ETV6: variants seen among roughly 807,000 people sequenced by gnomAD.
ETV6 encodes the protein ETS variant transcription factor 6.
Under a neutral mutation model 51.1 loss-of-function variants are expected in ETV6, and 16 were observed. That is an observed-to-expected ratio of 0.31 (90% confidence interval 0.21 to 0.48). ETV6 has a LOEUF of 0.48. ETV6 is among the 20% of genes least tolerant of loss of function. The probability of loss-of-function intolerance (pLI) is 0.99; values close to 1 mark genes in which losing one functional copy is unlikely to be tolerated. For synonymous variants in ETV6, 240 were observed against 224.1 expected (o/e 1.07, Z -0.64); for missense variants, 458 against 594.8 (o/e 0.77, Z 2.39).
At chr12:11,878,970 C>T (rs1947042670) in intron 5 of ETV6, among the ~76,000 whole-genome samples, 1 of 152,024 alleles carries the variant, frequency 6.6e-6, no homozygotes, top group Non-Finnish European at 1.5e-5. Context: ...GATTCAGCAG[C>T]ATCCCTGGCC....
intron 4 of ETV6, among the ~76,000 whole-genome samples, chr12:11,864,609 T>C (rs1946766341): frequency 6.6e-6 from 1 of 152,238 alleles, no homozygotes. Flanking sequence ...ATATTATCTA[T>C]AAAAGGAAAG....
rs900000836 is a variant in ETV6 at position 11,783,847 on chromosome 12, T to G, written c.163+31268T>G. Among the ~76,000 whole-genome samples, 6 of 152,080 alleles carry G rather than the reference T, an allele frequency of 3.9e-5. No individual in the cohort carries two copies. In the East Asian group the frequency reaches 1.2e-3, roughly 29 times the overall value. Reference sequence around the variant, plus strand: ...GCCTTTTTGTTTGTGGTTGGTTGTTTTTTTGTTTGTTTGTTTGTTTGTTTT... The same window carrying G: ...GCCTTTTTGTTTGTGGTTGGTTGTTGTTTTGTTTGTTTGTTTGTTTGTTTT... On this transcript the variant is annotated intron_variant, in intron 2 of 7. Coordinates refer to ENST00000396373, the MANE Select transcript of ETV6 (RefSeq NM_001987.5).
intron 2 of ETV6, among the ~76,000 whole-genome samples, chr12:11,828,220 A>G (rs1321555845): frequency 3.3e-5 from 5 of 152,176 alleles, no homozygotes; most frequent in Non-Finnish European, 7.3e-5. Flanking sequence ...CTCCTTGCAT[A>G]GCCAAGTTGC....
chr12:11,713,777 C>G (rs1000716814), intron 1 of ETV6, among the ~76,000 whole-genome samples: 1 of 152,144 alleles, frequency 6.6e-6, no homozygotes. Flanking sequence ...GGTTCTTAAC[C>G]TTGGATGTTC....
At chr12:11,688,799 A>G (rs1212523842) in intron 1 of ETV6, among the ~76,000 whole-genome samples, 5 of 152,234 alleles carry the variant, frequency 3.3e-5, no homozygotes, top group African/African-American at 1.2e-4. Context: ...GCTGCTTAGA[A>G]GGATCCTTAG....
intron 2 of ETV6, among the ~76,000 whole-genome samples, chr12:11,793,497 C>A (rs1171345620): frequency 1.3e-5 from 2 of 152,188 alleles, no homozygotes; most frequent in African/African-American, 4.8e-5. Flanking sequence ...CCATCTCATT[C>A]AAAACCAATG....
intron 1 of ETV6, among the ~76,000 whole-genome samples, chr12:11,729,057 T>C (rs1263334472): frequency 1.3e-5 from 2 of 152,394 alleles, no homozygotes; most frequent in East Asian, 3.9e-4. Context: ...TTGATGGCTC[T>C]GTGACATACT....
intron 1 of ETV6, among the ~76,000 whole-genome samples, chr12:11,673,273 A>G (rs930452698): frequency 3.3e-5 from 5 of 152,112 alleles, no homozygotes; most frequent in Non-Finnish European, 5.9e-5. Context: ...GCAGGATGTG[A>G]GATGAGTTTA....
At chr12:11,718,645 G>A (rs1865325271) in intron 1 of ETV6, among the ~76,000 whole-genome samples, 1 of 151,302 alleles carries the variant, frequency 6.6e-6, no homozygotes, top group Non-Finnish European at 1.5e-5. Flanking sequence ...ATGGTGGTGT[G>A]TGCCTGTAGT....
At chr12:11,841,107 C>T (rs1031245970) in intron 3 of ETV6, among the ~76,000 whole-genome samples, 3 of 152,074 alleles carry the variant, frequency 2.0e-5, no homozygotes, top group African/African-American at 7.2e-5. Context: ...CCCCTTCATC[C>T]TATCTCAGGT....
intron 1 of ETV6, among the ~76,000 whole-genome samples, chr12:11,718,608 A>AAAC (rs1865324292): frequency 1.3e-5 from 2 of 151,548 alleles, no homozygotes; most frequent in African/African-American, 2.4e-5. Context: ...GCTACTAAAA[A>AAAC]AAAAAAAAAA....
At chr12:11,661,610 C>T (rs758202011) in intron 1 of ETV6, among the ~76,000 whole-genome samples, 18 of 152,244 alleles carry the variant, frequency 1.2e-4, no homozygotes, top group Non-Finnish European at 1.5e-5. Context: ...ATTTGGCTGA[C>T]TACACCTCCA....
chr12:11,823,695 T>C (rs1366323577), intron 2 of ETV6, among the ~76,000 whole-genome samples: 2 of 152,180 alleles, frequency 1.3e-5, no homozygotes, highest in African/African-American at 4.8e-5. Flanking sequence ...CTCAGACCCC[T>C]GACCTTGTGA....
At chr12:11,864,422 A>C (rs557730457) in intron 4 of ETV6, among the ~76,000 whole-genome samples, 35 of 152,356 alleles carry the variant, frequency 2.3e-4, no homozygotes, top group African/African-American at 7.0e-4. Context: ...TTTAAGCCTT[A>C]ATAAGCTTTT....
At chr12:11,729,140 A>G (rs954162860) in intron 1 of ETV6, among the ~76,000 whole-genome samples, 1 of 152,232 alleles carries the variant, frequency 6.6e-6, no homozygotes, top group African/African-American at 2.4e-5. Flanking sequence ...GACAGTCAAC[A>G]TGAACTAGCT....
In ETV6 at chr12:11,874,083, A is replaced by G. The variant is rs1380089823; in HGVS notation, c.1009+4114A>G. 3.6e-5 allele frequency among the ~76,000 whole-genome samples: 4 copies of G among 112,170 alleles called. 1 individual carries two copies. Among genetic ancestry groups the G allele is most frequent in the Non-Finnish European group, 7.2e-5 (4 of 55,274 alleles). 73.6% of individuals were successfully genotyped at this position (112,170 alleles called of 152,430 possible). A position where few individuals can be genotyped will look rare whatever the true frequency, so the allele number is the denominator to read the frequency against. On this transcript the variant is annotated intron_variant, in intron 5 of 7. Transcript: ENST00000396373. ...ATCTATTGAGGTCATTTAAAAATCT[A>G]TCATTTTTCAGGCTGGGTACTGTGG...
chr12:11,847,359 A>T (rs1483073828), intron 3 of ETV6, among the ~76,000 whole-genome samples: 1 of 152,094 alleles, frequency 6.6e-6, no homozygotes, highest in Non-Finnish European at 1.5e-5. Context: ...TTAGGAGATC[A>T]CGGAATGTGG....
At chr12:11,853,108 G>C (rs1393311983) in intron 3 of ETV6, among the ~76,000 whole-genome samples, 1 of 152,226 alleles carries the variant, frequency 6.6e-6, no homozygotes, top group African/African-American at 2.4e-5. Flanking sequence ...GATCACTTGA[G>C]CCTGGGAGGT....
chr12:11,874,877 C>G (rs551899677), intron 5 of ETV6, among the ~76,000 whole-genome samples: 97 of 138,002 alleles, frequency 7.0e-4, no homozygotes, highest in Middle Eastern at 4.0e-3. Flanking sequence ...AGGGGAACAT[C>G]ACACACCGGG....
Sources: gnomAD v4.1 joint callset for allele counts (sites outside exome capture counted in the v4.1 genomes callset) on GRCh38, gnomAD v4.1.1 for gene constraint, MANE v1.5 for transcripts, NCBI Gene and HGNC (gene_info 2026-07-23, HGNC 2026-07-21) for gene names.